DDIAS: variants seen among roughly 807,000 people sequenced by gnomAD.
DDIAS encodes DNA damage induced apoptosis suppressor.
In DDIAS, 14 loss-of-function variants were observed where a neutral mutation model predicts 15.7. The observed-to-expected ratio is 0.89, with a 90% CI of 0.59 to 1.39. DDIAS has a LOEUF of 1.39. Among genes scored for constraint, DDIAS ranks in the 40% most tolerant of loss-of-function variants. The pLI is 0.00. For missense variants in DDIAS, 1,035 were observed against 1,130.9 expected (o/e 0.92, Z 1.22); for synonymous variants, 355 against 395.9 (o/e 0.90, Z 1.23).
chr11:82,930,912 C>T (rs780058671), intron 5 of DDIAS, among the ~76,000 whole-genome samples: 14 of 152,156 alleles, frequency 9.2e-5, no homozygotes, highest in African/African-American at 3.4e-4. Flanking sequence ...GTAGAATCAA[C>T]GGCTACAGAG....
intron 1 of DDIAS, among the ~76,000 whole-genome samples, 160 bp from the exon 2 acceptor site, chr11:82,913,127 C>A (rs1434598255): frequency 1.3e-5 from 2 of 152,078 alleles, no homozygotes; most frequent in Admixed American, 6.5e-5. Flanking sequence ...TGAGCACATG[C>A]CACTGAAAAA....
At chr11:82,916,342 A>G (rs1353726507) in intron 3 of DDIAS, among the ~76,000 whole-genome samples, 3 of 152,186 alleles carry the variant, frequency 2.0e-5, no homozygotes, top group Non-Finnish European at 2.9e-5. Context: ...GTATGTTATC[A>G]TGATTAAAAG....
chr11:82,934,368 A>G lies in DDIAS; in HGVS notation c.*33A>G, dbSNP rs765605075. ...CCTGAACCCAATTCCTGAACTTTTA[A>G]ATCTGTTTGGAAATGTTTGCCTTCA... is the stretch of plus-strand genomic sequence containing the variant. On this transcript the variant is annotated 3_prime_UTR_variant, in exon 6 of 6. Coordinates refer to ENST00000533655, the MANE Select transcript of DDIAS (RefSeq NM_145018.4). 2 of 1,538,344 alleles carry G rather than the reference A, an allele frequency of 1.3e-6. No homozygotes were observed. The highest frequency in any genetic ancestry group is 4.5e-5 in the East Asian group (2 of 44,094).
At chr11:82,911,097 A>G (rs1022092249) in intron 1 of DDIAS, among the ~76,000 whole-genome samples, 10 of 152,342 alleles carry the variant, frequency 6.6e-5, no homozygotes, top group African/African-American at 2.2e-4. Flanking sequence ...TGAGCCTTCA[A>G]TGAGTCATAA....
Position 82,925,334 on chromosome 11 carries a change from C to T in DDIAS, c.114-3443C>T, listed in dbSNP as rs962638341. 3.9e-5 allele frequency among the ~76,000 whole-genome samples: 6 copies of T among 152,298 alleles called. No individual in the cohort carries two copies. In the East Asian group the frequency reaches 5.8e-4, roughly 15 times the overall value. On this transcript the variant is annotated intron_variant, in intron 3 of 5. Transcript: ENST00000533655. ...GATAGAAGCCAGGTGTGATGGCTCA[C>T]GCCTGTAATCCCAACACTCTGGGAG...
In DDIAS at chr11:82,910,028, G is replaced by C. The variant is rs560551582; in HGVS notation, c.-116-3259G>C. On this transcript the variant is annotated intron_variant, in intron 1 of 5. Transcript: ENST00000533655. ...ATTTCTATGTTTGTCATCATCTTTA[G>C]AGTACTATACCGAAAAGATTTTATT... Among the ~76,000 whole-genome samples the C allele has an allele frequency of 1.9e-4, 29 of 152,188 alleles. 1 individual carries two copies. The South Asian group carries it at 6.0e-3, about 32-fold the overall frequency.
intron 3 of DDIAS, among the ~76,000 whole-genome samples, chr11:82,919,306 T>C (rs569746320): frequency 1.3e-5 from 2 of 152,334 alleles, no homozygotes; most frequent in African/African-American, 4.8e-5. Flanking sequence ...TAATCATAAA[T>C]GGATGCTGGA....
At chr11:82,914,440 C>T (rs1271134172) in intron 2 of DDIAS, among the ~76,000 whole-genome samples, 1 of 152,152 alleles carries the variant, frequency 6.6e-6, no homozygotes, top group Non-Finnish European at 1.5e-5. Flanking sequence ...TGTGAAGAAG[C>T]TAAATGACAT....
At chr11:82,904,889 T>G (rs1039355564) in intron 1 of DDIAS, among the ~76,000 whole-genome samples, 4 of 152,226 alleles carry the variant, frequency 2.6e-5, no homozygotes, top group African/African-American at 9.6e-5. Flanking sequence ...CAGCTCTTCT[T>G]CAAGCAACTT....
intron 3 of DDIAS, among the ~76,000 whole-genome samples, chr11:82,922,962 C>T (rs1860785803): frequency 6.6e-6 from 1 of 152,166 alleles, no homozygotes. Flanking sequence ...TATCTCTCTT[C>T]TGGGTCTAGC....
rs1861009473 is a variant in DDIAS, at chr11:82,932,303, TG to T, written c.966del (p.Ser323ValfsTer56). On this transcript the variant is annotated frameshift_variant, in exon 6 of 6. Coordinates refer to ENST00000533655, the MANE Select transcript of DDIAS (RefSeq NM_145018.4). LOFTEE classifies it low-confidence loss of function (END_TRUNC). ...GKELGLQAKE[L>X]SAVHSSHHEI... ...GAACTTGGCTTACAAGCTAAGGAGC[TG>T]AGTGCAGTTCACAGCAGTCATCATG... The T allele has an allele frequency of 6.2e-7, 1 of 1,613,922 alleles. No homozygotes were observed. Among genetic ancestry groups the T allele is most frequent in the African/African-American group, 1.3e-5 (1 of 74,934 alleles).
At chr11:82,919,792 C>G (rs529131781) in intron 3 of DDIAS, among the ~76,000 whole-genome samples, 3 of 152,114 alleles carry the variant, frequency 2.0e-5, no homozygotes, top group African/African-American at 7.2e-5. Flanking sequence ...AGTGCAGTGG[C>G]GTGATCTCAG....
At chr11:82,912,583 C>T (rs539919341) in intron 1 of DDIAS, among the ~76,000 whole-genome samples, 15 of 152,244 alleles carry the variant, frequency 9.9e-5, no homozygotes, top group African/African-American at 3.4e-4. Flanking sequence ...TGTTGTGGCT[C>T]GTTTGATCTT....
In DDIAS at chr11:82,934,416, C is replaced by T; in HGVS notation, c.*81C>T. On this transcript the variant is annotated 3_prime_UTR_variant, in exon 6 of 6. Coordinates refer to ENST00000533655, the MANE Select transcript of DDIAS (RefSeq NM_145018.4). ...TCAGGGGTACGGAAAGCATTCTTTA[C>T]ATTTTGAACACTTGGAGAGAAGCAA... The T allele has an allele frequency of 1.5e-6, 2 of 1,378,938 alleles. No individual in the cohort carries two copies. The highest frequency in any genetic ancestry group is 2.4e-5 in the Admixed American group (1 of 41,244). 85.4% of individuals were successfully genotyped at this position (1,378,938 alleles called of 1,614,324 possible). A position where few individuals can be genotyped will look rare whatever the true frequency, so the allele number is the denominator to read the frequency against.
intron 3 of DDIAS, among the ~76,000 whole-genome samples, chr11:82,921,429 GTT>G (rs905793060): frequency 6.6e-6 from 1 of 151,232 alleles, no homozygotes; most frequent in Non-Finnish European, 1.5e-5. Flanking sequence ...TGTGTACCTT[GTT>G]TTTTTTGTTT....
chr11:82,927,152 T>C (rs1256944547), intron 3 of DDIAS, among the ~76,000 whole-genome samples: 5 of 152,376 alleles, frequency 3.3e-5, no homozygotes, highest in African/African-American at 4.8e-5. Flanking sequence ...AACTGAATGC[T>C]AATGCATATT....
chr11:82,934,624 A>G lies in DDIAS; in HGVS notation c.*289A>G, dbSNP rs932544634. On this transcript the variant is annotated 3_prime_UTR_variant, in exon 6 of 6. Coordinates refer to ENST00000533655, the MANE Select transcript of DDIAS (RefSeq NM_145018.4). ...AAGTATTAATGTTTGTTAAAATCACATATACATCCAGAAATAAAGACTTTG... is the reference window on the plus strand; with the variant it reads ...AAGTATTAATGTTTGTTAAAATCACGTATACATCCAGAAATAAAGACTTTG... The G allele has an allele frequency of 3.9e-6, 1 of 255,744 alleles. No individual in the cohort carries two copies. The highest frequency in any genetic ancestry group is 7.4e-5 in the East Asian group (1 of 13,538). The allele number at this position is 255,744 out of a possible 1,614,324, so 15.8% of individuals were successfully genotyped here.
chr11:82,932,477 C>T lies in DDIAS; in HGVS notation c.1139C>T (p.Thr380Ile). The T allele has an allele frequency of 6.2e-7, 1 of 1,614,168 alleles. No homozygotes were observed. The highest frequency in any genetic ancestry group is 8.5e-7 in the Non-Finnish European group (1 of 1,180,040). Residue 380 changes from threonine to isoleucine, a missense_variant, in exon 6 of 6, where the codon ACC (threonine) becomes ATC (isoleucine). Thr to Ile is a moderately conservative substitution (Grantham distance 89, BLOSUM62 -1). Transcript: ENST00000533655. ...TGTTTTCAGCATCATGGTATAGATA[C>T]CCCAACTAGCCTTCAGAAGAGATCT... is the stretch of plus-strand genomic sequence containing the variant. ...LPCFQHHGID[T>I]PTSLQKRSAC...
intron 3 of DDIAS, among the ~76,000 whole-genome samples, chr11:82,924,426 A>T (rs750879161): frequency 6.6e-6 from 1 of 152,210 alleles, no homozygotes; most frequent in Non-Finnish European, 1.5e-5. Flanking sequence ...TGCTTTCATC[A>T]GATTTTTTAA....
Sources: gnomAD v4.1 joint callset for allele counts (sites outside exome capture counted in the v4.1 genomes callset) on GRCh38, gnomAD v4.1.1 for gene constraint, MANE v1.5 for transcripts, NCBI Gene and HGNC (gene_info 2026-07-23, HGNC 2026-07-21) for gene names.